Variants in MGMT observed in about 807,000 individuals in gnomAD.
MGMT encodes the protein O-6-methylguanine-DNA methyltransferase.
Under a neutral mutation model 15.9 loss-of-function variants are expected in MGMT, and 14 were observed. That is an observed-to-expected ratio of 0.88 (90% CI 0.58 to 1.37). MGMT has a LOEUF of 1.37. MGMT is among the 40% of genes most tolerant of loss of function. The probability of loss-of-function intolerance (pLI) is 0.00; values close to 1 mark genes in which losing one functional copy is unlikely to be tolerated. For synonymous variants in MGMT, 130 were observed against 118.2 expected (o/e 1.10, Z -0.65); for missense variants, 282 against 268.1 (o/e 1.05, Z -0.36).
chr10:129,718,562 C>T (rs1003206880), intron 3 of MGMT, among the ~76,000 whole-genome samples: 1 of 152,222 alleles, frequency 6.6e-6, no homozygotes, highest in African/African-American at 2.4e-5. Flanking sequence ...ACCCCCTCAC[C>T]TTCTCACTTC....
At chr10:129,474,359 C>G (rs1225279955) in intron 1 of MGMT, among the ~76,000 whole-genome samples, 1 of 152,150 alleles carries the variant, frequency 6.6e-6, no homozygotes, top group East Asian at 1.9e-4. Context: ...GGAGGTATAG[C>G]TGGGGTCAAC....
chr10:129,528,193 A>G (rs1845891301), intron 1 of MGMT, among the ~76,000 whole-genome samples: 1 of 151,936 alleles, frequency 6.6e-6, no homozygotes, highest in South Asian at 2.1e-4. Flanking sequence ...GGGATACAGC[A>G]GTAGATCAGC....
chr10:129,596,492 G>A (rs61859899), intron 2 of MGMT, among the ~76,000 whole-genome samples: 5 of 152,190 alleles, frequency 3.3e-5, no homozygotes, highest in African/African-American at 4.8e-5. Flanking sequence ...AGATGAAGGC[G>A]GGCAGATCTC....
At chr10:129,731,755 AT>A (rs1175057082) in intron 3 of MGMT, among the ~76,000 whole-genome samples, 2 of 152,222 alleles carry the variant, frequency 1.3e-5, no homozygotes, top group African/African-American at 4.8e-5. Flanking sequence ...ATGGCAGGAT[AT>A]CATAGGTAAT....
chr10:129,755,548 G>A (rs1346269358), intron 3 of MGMT, among the ~76,000 whole-genome samples: 2 of 152,196 alleles, frequency 1.3e-5, no homozygotes, highest in Non-Finnish European at 2.9e-5. Flanking sequence ...GCTGAAGGAT[G>A]CCCCTTCCCC....
intron 3 of MGMT, among the ~76,000 whole-genome samples, chr10:129,734,849 A>T (rs1290939184): frequency 6.6e-6 from 1 of 152,162 alleles, no homozygotes; most frequent in Non-Finnish European, 1.5e-5. Context: ...TTCTGTTTAT[A>T]TGCTGGATTA....
At chr10:129,578,544 GA>G (rs1346487223) in intron 2 of MGMT, among the ~76,000 whole-genome samples, 2 of 151,834 alleles carry the variant, frequency 1.3e-5, no homozygotes, top group African/African-American at 4.8e-5. Context: ...GGGGTGGGAG[GA>G]GGGGGAGGGG....
chr10:129,662,234 G>A (rs1158733639), intron 2 of MGMT, among the ~76,000 whole-genome samples: 2 of 152,112 alleles, frequency 1.3e-5, no homozygotes, highest in African/African-American at 4.8e-5. Context: ...TACTGTATAG[G>A]TCATAGGTAG....
chr10:129,671,550 C>T (rs1008088484), intron 2 of MGMT, among the ~76,000 whole-genome samples: 3 of 152,116 alleles, frequency 2.0e-5, no homozygotes, highest in African/African-American at 7.2e-5. Context: ...ACTTCCGGCC[C>T]ACAAAACACA....
At chr10:129,615,120 T>C (rs1290189628) in intron 2 of MGMT, among the ~76,000 whole-genome samples, 1 of 152,192 alleles carries the variant, frequency 6.6e-6, no homozygotes, top group African/African-American at 2.4e-5. Flanking sequence ...ATAAGCTACA[T>C]TTTCCATCAT....
At chr10:129,663,091 G>A (rs1003321796) in intron 2 of MGMT, among the ~76,000 whole-genome samples, 7 of 152,012 alleles carry the variant, frequency 4.6e-5, no homozygotes, top group Non-Finnish European at 1.0e-4. Flanking sequence ...TAGAAAATAC[G>A]TCTGTTTCTC....
intron 2 of MGMT, among the ~76,000 whole-genome samples, chr10:129,636,925 G>A (rs1589907155): frequency 6.6e-6 from 1 of 152,218 alleles, no homozygotes; most frequent in South Asian, 2.1e-4. Flanking sequence ...ATAGAGCCGA[G>A]TTTAAATTGA....
chr10:129,645,432 G>C (rs73388758), intron 2 of MGMT, among the ~76,000 whole-genome samples: 7,504 of 152,188 alleles, frequency 0.049, 220 homozygotes, highest in Middle Eastern at 0.088. Context: ...AAAAGCCCAC[G>C]TTTGGCAGGG....
At chr10:129,755,379 CTCTT>C (rs1439947025) in intron 3 of MGMT, among the ~76,000 whole-genome samples, 4 of 152,216 alleles carry the variant, frequency 2.6e-5, no homozygotes, top group Non-Finnish European at 4.4e-5. Flanking sequence ...TGAGGACCTG[CTCTT>C]TCTTGCTCTC....
At chr10:129,606,206 C>T (rs928145531) in intron 2 of MGMT, among the ~76,000 whole-genome samples, 4 of 152,140 alleles carry the variant, frequency 2.6e-5, no homozygotes, top group East Asian at 3.9e-4. Flanking sequence ...ACAATAATGC[C>T]GAAACTTGCA....
Position 129,724,562 on chromosome 10 carries a change from AAAG to A in MGMT, c.274+16522_274+16524del, listed in dbSNP as rs1848410771. Among the ~76,000 whole-genome samples the A allele has an allele frequency of 2.0e-5, 3 of 152,226 alleles. No homozygotes were observed. In the South Asian group the frequency reaches 6.2e-4, roughly 31 times the overall value. ...TGTGTAAATTCCACCTTAAAGGAAA[AAAG>A]AACCATAAATGGACATTGAACTCTT... On this transcript the variant is annotated intron_variant, in intron 3 of 4. Coordinates refer to ENST00000651593, the MANE Select transcript of MGMT (RefSeq NM_002412.5).
chr10:129,660,963 C>G (rs908982466), intron 2 of MGMT, among the ~76,000 whole-genome samples: 5 of 152,196 alleles, frequency 3.3e-5, no homozygotes, highest in Non-Finnish European at 7.3e-5. Context: ...GGAAGTACAG[C>G]CGTAAAATCC....
intron 2 of MGMT, among the ~76,000 whole-genome samples, chr10:129,622,631 C>T (rs1336861370): frequency 6.6e-6 from 1 of 152,124 alleles, no homozygotes; most frequent in African/African-American, 2.4e-5. Flanking sequence ...CTTTAGTGTC[C>T]AATAACATTA....
intron 2 of MGMT, among the ~76,000 whole-genome samples, chr10:129,609,282 C>T (rs57763705): frequency 0.026 from 3,997 of 151,524 alleles, 116 homozygotes; most frequent in African/African-American, 0.072. Flanking sequence ...GAACTGGAAT[C>T]GTTGGCCCGA....
Sources: gnomAD v4.1 joint callset for allele counts (sites outside exome capture counted in the v4.1 genomes callset) on GRCh38, gnomAD v4.1.1 for gene constraint, MANE v1.5 for transcripts, NCBI Gene and HGNC (gene_info 2026-07-23, HGNC 2026-07-21) for gene names.